The following TMEM178B variants were observed in gnomAD, a reference collection of about 807,000 sequenced individuals.
The protein encoded by TMEM178B is transmembrane protein 178B.
Under a neutral mutation model 31.0 loss-of-function variants are expected in TMEM178B, and 5 were observed. That is an observed-to-expected ratio of 0.16 (90% CI 0.08 to 0.34). TMEM178B has a LOEUF of 0.34. TMEM178B is among the 10% of genes least tolerant of loss of function. TMEM178B has a pLI of 1.00. For missense variants in TMEM178B, 275 were observed against 400.3 expected, an observed-to-expected ratio of 0.69 and a Z score of 2.67; for synonymous variants, 164 against 164.0, an observed-to-expected ratio of 1.00 and a Z score of 0.00.
chr7:141,160,335 AC>A (rs1186723773), intron 1 of TMEM178B, among the ~76,000 whole-genome samples: 1 of 151,976 alleles, frequency 6.6e-6, no homozygotes, highest in African/African-American at 2.4e-5. Flanking sequence ...ACACAGTGAT[AC>A]CCCGGCACCA....
chr7:141,245,899 A>G (rs1055600880), intron 2 of TMEM178B, among the ~76,000 whole-genome samples: 2 of 152,234 alleles, frequency 1.3e-5, no homozygotes, highest in East Asian at 1.9e-4. Flanking sequence ...CACTTCTGTT[A>G]TATAAACAAG....
intron 2 of TMEM178B, among the ~76,000 whole-genome samples, chr7:141,312,829 T>G (rs550565395): frequency 6.6e-6 from 1 of 152,342 alleles, no homozygotes; most frequent in Non-Finnish European, 1.5e-5. Flanking sequence ...TTCTCAAACA[T>G]CTCATTTGAG....
intron 1 of TMEM178B, among the ~76,000 whole-genome samples, chr7:141,172,702 CACATTGGCTAAGGGAGGA>C (rs1442566064): frequency 1.3e-5 from 2 of 152,150 alleles, no homozygotes; most frequent in Non-Finnish European, 2.9e-5. Flanking sequence ...GATTGCTGGC[CACATTGGCTAAGGGAGGA>C]ACAATTAGTG....
At chr7:141,446,848 G>GTTA (rs1283173972) in intron 3 of TMEM178B, among the ~76,000 whole-genome samples, 1 of 152,062 alleles carries the variant, frequency 6.6e-6, no homozygotes, top group Non-Finnish European at 1.5e-5. Context: ...TACCTTTTAA[G>GTTA]TTATTATTAT....
intron 1 of TMEM178B, among the ~76,000 whole-genome samples, chr7:141,080,402 C>T (rs544881598): frequency 2.6e-5 from 4 of 152,242 alleles, no homozygotes; most frequent in South Asian, 2.1e-4. Flanking sequence ...GGGCGGATTA[C>T]GAGGTCAAGA....
At chr7:141,095,589 T>A (rs117259621) in intron 1 of TMEM178B, among the ~76,000 whole-genome samples, 2,611 of 152,326 alleles carry the variant, frequency 0.017, 34 homozygotes, top group South Asian at 0.042. Flanking sequence ...TCCTCCATAA[T>A]CTTTGGTCGC....
chr7:141,145,452 C>CT (rs1795836054), intron 1 of TMEM178B, among the ~76,000 whole-genome samples: 1 of 152,178 alleles, frequency 6.6e-6, no homozygotes, highest in Admixed American at 6.5e-5. Context: ...CCTGGAAACT[C>CT]TATTTTAAGA....
At chr7:141,117,531 T>C (rs1795338601) in intron 1 of TMEM178B, among the ~76,000 whole-genome samples, 1 of 152,232 alleles carries the variant, frequency 6.6e-6, no homozygotes, top group Admixed American at 6.5e-5. Context: ...CATTTGTCAA[T>C]TTTGGCTTTT....
Position 141,461,817 on chromosome 7 carries a change from G to A in TMEM178B, c.635-8719G>A, listed in dbSNP as rs368496733. Among the ~76,000 whole-genome samples the A allele has an allele frequency of 2.0e-5, 3 of 152,178 alleles. No individual in the cohort carries two copies. The highest frequency in any genetic ancestry group is 2.1e-4 in the South Asian group (1 of 4,830). ...GTGAGCTGAGCAGGGAGTTGGCTCC[G>A]TAACTCTGCATATCAACTCAGAAAT... is the stretch of plus-strand genomic sequence containing the variant. On this transcript the variant is annotated intron_variant, in intron 3 of 3. Coordinates refer to ENST00000565468, the MANE Select transcript of TMEM178B (RefSeq NM_001195278.2). The surrounding 1 kb of genome is among the most constrained non-coding windows in gnomAD (Gnocchi z 4.0).
intron 2 of TMEM178B, among the ~76,000 whole-genome samples, chr7:141,236,403 TA>T (rs1171141360): frequency 6.6e-6 from 1 of 152,194 alleles, no homozygotes; most frequent in East Asian, 1.9e-4. Flanking sequence ...TCCTGAACAT[TA>T]CTTCTTTCTC....
intron 2 of TMEM178B, among the ~76,000 whole-genome samples, chr7:141,295,837 AC>A (rs1290594851): frequency 1.3e-5 from 2 of 152,024 alleles, no homozygotes; most frequent in African/African-American, 2.4e-5. Context: ...AGAGAGGTGA[AC>A]CTTTGTCCCC....
At chr7:141,212,505 C>T in intron 1 of TMEM178B, 86 bp from the exon 2 acceptor site, 1 of 1,152,302 alleles carries the variant, frequency 8.7e-7, no homozygotes, top group African/African-American at 1.5e-5. Flanking sequence ...AAGTCTTCTT[C>T]TCCAGGATGG....
At chr7:141,151,882 G>C (rs531993272) in intron 1 of TMEM178B, among the ~76,000 whole-genome samples, 1 of 152,324 alleles carries the variant, frequency 6.6e-6, no homozygotes, top group African/African-American at 2.4e-5. Flanking sequence ...TGGCCACACT[G>C]TGTCCTGTGG....
intron 2 of TMEM178B, among the ~76,000 whole-genome samples, chr7:141,301,715 C>T (rs1015549350): frequency 6.6e-5 from 10 of 152,176 alleles, no homozygotes; most frequent in Non-Finnish European, 1.2e-4. Flanking sequence ...GCCTCTTTTC[C>T]TGTGGTGTGT....
chr7:141,387,784 C>T (rs1285186546), intron 2 of TMEM178B, among the ~76,000 whole-genome samples: 1 of 152,172 alleles, frequency 6.6e-6, no homozygotes. Flanking sequence ...CATGTCTCAC[C>T]CACAACTGTT....
At chr7:141,214,739 G>T (rs7790119) in intron 2 of TMEM178B, among the ~76,000 whole-genome samples, 2 of 151,660 alleles carry the variant, frequency 1.3e-5, no homozygotes, top group East Asian at 1.9e-4. Flanking sequence ...CGTGTCTCCA[G>T]GTTCTTATTC....
At chr7:141,291,349 T>C (rs966964381) in intron 2 of TMEM178B, among the ~76,000 whole-genome samples, 4 of 152,294 alleles carry the variant, frequency 2.6e-5, no homozygotes, top group Admixed American at 2.6e-4. Context: ...AAGAAGCAGC[T>C]GAAATTAACA....
chr7:141,441,783 C>T (rs1327744926), intron 3 of TMEM178B, among the ~76,000 whole-genome samples: 1 of 152,204 alleles, frequency 6.6e-6, no homozygotes, highest in African/African-American at 2.4e-5. Context: ...AGGAAGATGG[C>T]CTGCGCTGGG....
chr7:141,093,130 C>T (rs1794906024), intron 1 of TMEM178B, among the ~76,000 whole-genome samples: 1 of 151,960 alleles, frequency 6.6e-6, no homozygotes, highest in Admixed American at 6.6e-5. Context: ...CAAAAGGATC[C>T]CTTGGGTAGC....
Sources: gnomAD v4.1 joint callset for allele counts (sites outside exome capture counted in the v4.1 genomes callset) on GRCh38, gnomAD v4.1.1 for gene constraint, Gnocchi (gnomAD v3.1) non-coding constraint, MANE v1.5 for transcripts, NCBI Gene and HGNC (gene_info 2026-07-23, HGNC 2026-07-21) for gene names.